RBMS3: variants seen among roughly 807,000 people sequenced by gnomAD.
RBMS3 encodes the protein RNA-binding motif, single-stranded-interacting protein 3.
Under a neutral mutation model 66.8 loss-of-function variants are expected in RBMS3, and 27 were observed. That is an observed-to-expected ratio of 0.40 (90% CI 0.30 to 0.56). The LOEUF is 0.56. Ranked by LOEUF, RBMS3 falls within the 20% of genes least tolerant of loss-of-function variation. The pLI, the probability that RBMS3 is intolerant of heterozygous loss-of-function variation, is 0.40. For missense variants in RBMS3, 513 were observed against 549.5 expected (o/e 0.93, Z 0.66); for synonymous variants, 188 against 183.0 (o/e 1.03, Z -0.22).
At chr3:29,284,862 C>CTTTTTTT (rs773078453) in intron 1 of RBMS3, among the ~76,000 whole-genome samples, 3 of 112,776 alleles carry the variant, frequency 2.7e-5, no homozygotes, top group South Asian at 3.2e-4. Flanking sequence ...ATGAATTTTT[C>CTTTTTTT]TTTTTTTTTT....
intron 4 of RBMS3, among the ~76,000 whole-genome samples, chr3:29,638,417 C>T (rs1285552229): frequency 6.6e-6 from 1 of 151,748 alleles, no homozygotes; most frequent in Non-Finnish European, 1.5e-5. Flanking sequence ...GGCTGTAACT[C>T]ACAACTCTTA....
At chr3:29,338,138 T>C (rs1016024121) in intron 1 of RBMS3, among the ~76,000 whole-genome samples, 4 of 152,150 alleles carry the variant, frequency 2.6e-5, no homozygotes, top group Non-Finnish European at 5.9e-5. Flanking sequence ...GTTTCTTCTG[T>C]GTTGTGATTG....
intron 3 of RBMS3, among the ~76,000 whole-genome samples, chr3:29,579,431 T>C (rs1022757555): frequency 3.3e-5 from 5 of 152,118 alleles, no homozygotes; most frequent in Non-Finnish European, 4.4e-5. Flanking sequence ...AGTCTATTGT[T>C]CTACCCATCT....
intron 4 of RBMS3, among the ~76,000 whole-genome samples, chr3:29,700,840 A>G (rs7634119): frequency 0.5 from 71,200 of 141,464 alleles, 17,508 homozygotes; most frequent in South Asian, 0.6. Context: ...GTTAGAGGAC[A>G]CACGAGGGAG....
At chr3:29,816,672 T>C (rs1399021040) in intron 6 of RBMS3, among the ~76,000 whole-genome samples, 1 of 152,180 alleles carries the variant, frequency 6.6e-6, no homozygotes, top group African/African-American at 2.4e-5. Context: ...TGAAGTTCTT[T>C]ACATTTTTGC....
intron 12 of RBMS3, among the ~76,000 whole-genome samples, chr3:29,962,230 T>G (rs1041653977): frequency 2.6e-4 from 39 of 151,380 alleles, no homozygotes; most frequent in African/African-American, 9.0e-4. Context: ...TTTGAGTTTA[T>G]CCAGTACAAT....
At chr3:29,394,461 C>T (rs548107830) in intron 1 of RBMS3, among the ~76,000 whole-genome samples, 10 of 151,904 alleles carry the variant, frequency 6.6e-5, no homozygotes, top group East Asian at 5.8e-4. Context: ...CCTCAGCTTA[C>T]GAAGATGACA....
At chr3:29,446,294 A>C (rs1193073621) in intron 2 of RBMS3, among the ~76,000 whole-genome samples, 1 of 150,648 alleles carries the variant, frequency 6.6e-6, no homozygotes, top group African/African-American at 2.4e-5. Flanking sequence ...TTATGCAATC[A>C]AAAACATTTA....
At chr3:29,289,373 G>A (rs1281159462) in intron 1 of RBMS3, among the ~76,000 whole-genome samples, 1 of 151,826 alleles carries the variant, frequency 6.6e-6, no homozygotes, top group Non-Finnish European at 1.5e-5. Context: ...ACAGAAAAGA[G>A]TTTAGGAACT....
chr3:29,593,629 G>T (rs56141178), intron 4 of RBMS3, among the ~76,000 whole-genome samples: 10,240 of 152,262 alleles, frequency 0.067, 387 homozygotes, highest in Non-Finnish European at 0.084. Context: ...TAAGATCAAA[G>T]GATCAGAAAT....
At chr3:29,443,794 T>C (rs2041715745) in intron 2 of RBMS3, among the ~76,000 whole-genome samples, 1 of 152,076 alleles carries the variant, frequency 6.6e-6, no homozygotes, top group Non-Finnish European at 1.5e-5. Flanking sequence ...GGGATGAATT[T>C]GGAATATATT....
intron 1 of RBMS3, among the ~76,000 whole-genome samples, chr3:29,327,519 A>G (rs899572505): frequency 6.6e-6 from 1 of 152,076 alleles, no homozygotes; most frequent in East Asian, 1.9e-4. Context: ...CTGTTACTTA[A>G]TATTATCACT....
chr3:29,897,544 G>C (rs1210656445), intron 9 of RBMS3, 69 bp downstream of exon 9: 1 of 1,406,210 alleles, frequency 7.1e-7, no homozygotes, highest in African/African-American at 1.4e-5. Flanking sequence ...GAGGCAAAAA[G>C]GACACAGTAG....
At chr3:29,420,612 G>A (rs990256441) in intron 1 of RBMS3, among the ~76,000 whole-genome samples, 5 of 149,562 alleles carry the variant, frequency 3.3e-5, no homozygotes, top group African/African-American at 1.3e-4. Flanking sequence ...TATAAATCAG[G>A]GCTTTTCCCT....
At chr3:29,403,383 T>C (rs933941778) in intron 1 of RBMS3, among the ~76,000 whole-genome samples, 1 of 152,096 alleles carries the variant, frequency 6.6e-6, no homozygotes, top group Non-Finnish European at 1.5e-5. Flanking sequence ...TAAGTTGAGA[T>C]GTGGCTGTAG....
intron 1 of RBMS3, among the ~76,000 whole-genome samples, chr3:29,430,490 G>A (rs574750031): frequency 8.5e-5 from 13 of 152,220 alleles, no homozygotes; most frequent in Admixed American, 5.9e-4. Context: ...TCCCAACTTC[G>A]GTTGGCTTTT....
At chr3:29,756,009 C>A (rs963756351) in intron 5 of RBMS3, among the ~76,000 whole-genome samples, 1 of 152,080 alleles carries the variant, frequency 6.6e-6, no homozygotes, top group Non-Finnish European at 1.5e-5. Context: ...ATAAACAGCA[C>A]CTACTATTTT....
intron 8 of RBMS3, among the ~76,000 whole-genome samples, chr3:29,896,034 A>G (rs569394746): frequency 1.2e-3 from 184 of 151,604 alleles, no homozygotes; most frequent in South Asian, 5.2e-3. Context: ...GTAATGTATG[A>G]TGGGATAATT....
intron 4 of RBMS3, among the ~76,000 whole-genome samples, chr3:29,684,238 A>T (rs2051618895): frequency 6.6e-6 from 1 of 152,156 alleles, no homozygotes; most frequent in Non-Finnish European, 1.5e-5. Flanking sequence ...TAAAATAAAC[A>T]CAGTCCCTAC....
Sources: allele counts gnomAD v4.1 joint callset (sites outside exome capture counted in the v4.1 genomes callset), GRCh38; gene constraint gnomAD v4.1.1; transcripts MANE v1.5; gene names NCBI Gene and HGNC (gene_info 2026-07-23, HGNC 2026-07-21).